The following DACH2 variants were observed in gnomAD, a reference collection of about 807,000 sequenced individuals.
DACH2 encodes the protein dachshund homolog 2.
DACH2 carries 17 observed loss-of-function variants against 35.8 expected under a neutral mutation model. The ratio of observed to expected loss-of-function variants is 0.48; its 90% CI spans 0.33 to 0.71. DACH2 has a LOEUF of 0.71. DACH2 is among the 30% of genes least tolerant of loss of function. DACH2 has a pLI of 0.02. For missense variants in DACH2, 469 were observed against 472.7 expected, an observed-to-expected ratio of 0.99 and a Z score of 0.07; for synonymous variants, 195 against 177.3, an observed-to-expected ratio of 1.10 and a Z score of -0.79.
chrX:86,245,592 C>A (rs2033264053), intron 1 of DACH2, among the ~76,000 whole-genome samples: 1 of 111,620 alleles, frequency 9.0e-6, no homozygotes, highest in African/African-American at 3.3e-5. Context: ...CTGAAACCAG[C>A]CAGAAATGAA....
At chrX:86,670,971 A>G (rs1313187777) in intron 4 of DACH2, among the ~76,000 whole-genome samples, 1 of 112,056 alleles carries the variant, frequency 8.9e-6, no homozygotes, top group Non-Finnish European at 1.9e-5. Flanking sequence ...CGCTAGTGAC[A>G]CATATAAACA....
At chrX:86,307,221 T>A (rs2034707226) in intron 1 of DACH2, among the ~76,000 whole-genome samples, 2 of 111,985 alleles carry the variant, frequency 1.8e-5, no homozygotes, top group Admixed American at 1.9e-4. Context: ...AAGCAGATAC[T>A]GAGCCTCAAA....
chrX:86,169,513 A>G (rs2031054542), intron 1 of DACH2, among the ~76,000 whole-genome samples: 1 of 110,843 alleles, frequency 9.0e-6, no homozygotes, highest in African/African-American at 3.3e-5. Context: ...CTTTAAGGCC[A>G]GTAGCTCTTA....
At chrX:86,671,798 T>A (rs367825239) in intron 4 of DACH2, among the ~76,000 whole-genome samples, 3 of 111,791 alleles carry the variant, frequency 2.7e-5, no homozygotes, top group African/African-American at 9.7e-5. Context: ...TACCTGAAAA[T>A]GTGGAAGCAG....
At chrX:86,738,853 G>A in intron 6 of DACH2, among the ~76,000 whole-genome samples, 1 of 111,361 alleles carries the variant, frequency 9.0e-6, no homozygotes, top group Non-Finnish European at 1.9e-5. Context: ...AAACAATAAT[G>A]GTGTACTGTG....
chrX:86,542,948 G>T (rs1300118406), intron 3 of DACH2, among the ~76,000 whole-genome samples: 1 of 112,290 alleles, frequency 8.9e-6, no homozygotes, highest in Non-Finnish European at 1.9e-5. Context: ...GAGTCCATCT[G>T]ATGTTCACCC....
intron 3 of DACH2, among the ~76,000 whole-genome samples, chrX:86,546,640 G>A (rs553422577): frequency 4.8e-5 from 5 of 103,678 alleles, no homozygotes; most frequent in African/African-American, 1.8e-4. Flanking sequence ...TCAGCCTCCC[G>A]AGTAGCTGGG....
At chrX:86,667,545 G>GAAAGAAAA in intron 4 of DACH2, among the ~76,000 whole-genome samples, 1 of 31,378 alleles carries the variant, frequency 3.2e-5, no homozygotes, top group Non-Finnish European at 5.6e-5. Context: ...AAGAAAGAAA[G>GAAAGAAAA]AAGAAAGAAA....
At chrX:86,242,275 C>T (rs906168502) in intron 1 of DACH2, among the ~76,000 whole-genome samples, 9 of 112,505 alleles carry the variant, frequency 8.0e-5, no homozygotes, top group Non-Finnish European at 1.1e-4. Flanking sequence ...CAAGGCCTTA[C>T]GAGCCCACCC....
chrX:86,183,063 T>A (rs2031551772), intron 1 of DACH2, among the ~76,000 whole-genome samples: 1 of 112,095 alleles, frequency 8.9e-6, no homozygotes, highest in African/African-American at 3.2e-5. Flanking sequence ...CTTATCAGCT[T>A]AAGGAGATTT....
intron 3 of DACH2, among the ~76,000 whole-genome samples, chrX:86,617,835 T>C (rs1223002935): frequency 3.6e-5 from 4 of 112,477 alleles, no homozygotes; most frequent in Non-Finnish European, 7.5e-5. Flanking sequence ...TGAAAGCCTT[T>C]GCATTGAATT....
chrX:86,390,385 G>A (rs1602466888), intron 2 of DACH2, among the ~76,000 whole-genome samples: 1 of 111,042 alleles, frequency 9.0e-6, no homozygotes, highest in East Asian at 2.9e-4. Context: ...AGGGGAGAGG[G>A]AGTGCAGGAA....
intron 3 of DACH2, among the ~76,000 whole-genome samples, chrX:86,525,883 C>T (rs2038624679): frequency 8.9e-6 from 1 of 111,873 alleles, no homozygotes; most frequent in African/African-American, 3.2e-5. Flanking sequence ...AGGGCCCATC[C>T]TTCAACCACA....
intron 1 of DACH2, among the ~76,000 whole-genome samples, chrX:86,295,391 C>T (rs931235220): frequency 3.6e-5 from 4 of 112,068 alleles, no homozygotes; most frequent in Non-Finnish European, 7.5e-5. Context: ...GCGTCGCTCA[C>T]GCTGGGAGCT....
chrX:86,427,446 T>A (rs2036912623), intron 2 of DACH2, among the ~76,000 whole-genome samples: 1 of 111,368 alleles, frequency 9.0e-6, no homozygotes, highest in South Asian at 3.7e-4. Flanking sequence ...AAATTTGTTC[T>A]GAGCGTGTAG....
At chrX:86,198,701 C>G (rs188080958) in intron 1 of DACH2, among the ~76,000 whole-genome samples, 1 of 111,371 alleles carries the variant, frequency 9.0e-6, no homozygotes, top group Non-Finnish European at 1.9e-5. Flanking sequence ...TACACTCTCT[C>G]AAGACTGAAC....
chrX:86,735,103 A>T (rs1374381278), intron 6 of DACH2, among the ~76,000 whole-genome samples: 1 of 111,901 alleles, frequency 8.9e-6, no homozygotes, highest in Non-Finnish European at 1.9e-5. Context: ...AAAGAAATCA[A>T]TATAATAAAA....
At chrX:86,310,672 G>C (rs1263238903) in intron 1 of DACH2, among the ~76,000 whole-genome samples, 1 of 111,686 alleles carries the variant, frequency 9.0e-6, no homozygotes, top group Non-Finnish European at 1.9e-5. Context: ...GTAGCCAATG[G>C]TTTGGCTGGA....
intron 7 of DACH2, among the ~76,000 whole-genome samples, chrX:86,809,384 C>T (rs12852660): frequency 0.33 from 36,272 of 110,094 alleles, 4,838 homozygotes; most frequent in Middle Eastern, 0.43. Flanking sequence ...TAAACTCCTA[C>T]ATAACAGTGC....
Sources: allele counts gnomAD v4.1 joint callset (sites outside exome capture counted in the v4.1 genomes callset), GRCh38; gene constraint gnomAD v4.1.1; transcripts MANE v1.5; gene names NCBI Gene and HGNC (gene_info 2026-07-23, HGNC 2026-07-21).